Variants in ZCCHC14 observed in about 807,000 individuals in gnomAD.
ZCCHC14 encodes the protein zinc finger CCHC-type containing 14.
Under a neutral mutation model 85.0 loss-of-function variants are expected in ZCCHC14, and 16 were observed. The observed-to-expected ratio is 0.19, with a 90% CI of 0.13 to 0.29. The LOEUF (loss-of-function observed/expected upper bound fraction) is 0.29. ZCCHC14 is among the 10% of genes least tolerant of loss of function. The probability of loss-of-function intolerance (pLI) is 1.00; values close to 1 mark genes in which losing one functional copy is unlikely to be tolerated. For synonymous variants in ZCCHC14, 775 were observed against 630.7 expected (o/e 1.23, Z -3.43); for missense variants, 1,303 against 1,443.5 (o/e 0.90, Z 1.58).
chr16:87,445,331 C>T (rs1486339796), intron 2 of ZCCHC14, among the ~76,000 whole-genome samples: 1 of 152,198 alleles, frequency 6.6e-6, no homozygotes, highest in Non-Finnish European at 1.5e-5. Context: ...TCCCAAAGTG[C>T]TGCGATTACA....
At chr16:87,427,139 GA>G (rs1225027853) in intron 3 of ZCCHC14, among the ~76,000 whole-genome samples, 1 of 152,254 alleles carries the variant, frequency 6.6e-6, no homozygotes, top group African/African-American at 2.4e-5. Context: ...GATACTGGGT[GA>G]GACATGAAGA....
rs2150718167 is a variant in ZCCHC14 at position 87,410,201 on chromosome 16, C to CA, written c.*78dup. 1 of 649,114 alleles carries CA rather than the reference C, an allele frequency of 1.5e-6. No individual in the cohort carries two copies. The highest frequency in any genetic ancestry group is 2.8e-6 in the Non-Finnish European group (1 of 355,594). 40.2% of individuals were successfully genotyped at this position (649,114 alleles called of 1,614,324 possible). A position where few individuals can be genotyped will look rare whatever the true frequency, so the allele number is the denominator to read the frequency against. ...GGATTAAAAAGATTAAGCTCAACAG[C>CA]AACTAGACTTCTCAGTTTTGTATTT... On this transcript the variant is annotated 3_prime_UTR_variant, in exon 13 of 13. Transcript: ENST00000671377.
chr16:87,479,126 C>T (rs1912152957), intron 1 of ZCCHC14, among the ~76,000 whole-genome samples: 1 of 151,880 alleles, frequency 6.6e-6, no homozygotes, highest in Admixed American at 6.6e-5. Flanking sequence ...ATTAAGAAAC[C>T]TAAGGATAGG....
In ZCCHC14 at chr16:87,433,265, G is replaced by T. The variant is rs551357383; in HGVS notation, c.695-64C>A. ...CTTGAAGTATATACATGATTATTTA[G>T]CATTTGATATTCAGCAGTTTTCAAA... is the stretch of plus-strand genomic sequence containing the variant. On this transcript the variant is annotated intron_variant, in intron 2 of 12. Coordinates refer to ENST00000671377, the MANE Select transcript of ZCCHC14 (RefSeq NM_015144.3). 1.4e-4 allele frequency: 200 copies of T among 1,479,782 alleles called. No homozygotes were observed. In the African/African-American group the frequency reaches 2.6e-3, roughly 19 times the overall value. 91.7% of individuals were successfully genotyped at this position (1,479,782 alleles called of 1,614,324 possible).
intron 2 of ZCCHC14, among the ~76,000 whole-genome samples, chr16:87,455,230 G>C (rs1910896311): frequency 6.6e-6 from 1 of 152,146 alleles, no homozygotes; most frequent in South Asian, 2.1e-4. Context: ...GGAGGTTGTG[G>C]TGAACCGAGA....
intron 1 of ZCCHC14, among the ~76,000 whole-genome samples, chr16:87,480,796 C>T (rs149838123): frequency 6.6e-6 from 1 of 152,166 alleles, no homozygotes; most frequent in Non-Finnish European, 1.5e-5. Context: ...GATGCAACAA[C>T]AAAATGACTG....
intron 2 of ZCCHC14, among the ~76,000 whole-genome samples, chr16:87,456,269 G>C (rs923768859): frequency 6.6e-6 from 1 of 152,092 alleles, no homozygotes; most frequent in Non-Finnish European, 1.5e-5. Flanking sequence ...AGTGGCTCAC[G>C]CCTGTAATCC....
At chr16:87,447,775 C>T (rs1290748935) in intron 2 of ZCCHC14, among the ~76,000 whole-genome samples, 1 of 152,174 alleles carries the variant, frequency 6.6e-6, no homozygotes, top group African/African-American at 2.4e-5. Flanking sequence ...TAAGAAATGC[C>T]AAATTGTTTT....
At chr16:87,452,044 C>T (rs1040660296) in intron 2 of ZCCHC14, among the ~76,000 whole-genome samples, 1 of 152,222 alleles carries the variant, frequency 6.6e-6, no homozygotes, top group East Asian at 1.9e-4. Context: ...ACGGACAAGC[C>T]GTAAGCAGGG....
chr16:87,417,579 G>C lies in ZCCHC14; in HGVS notation c.1264C>G (p.Leu422Val), dbSNP rs1329772884. ...RTQMDTSPAILMPSSLQTPQT... is the reference protein window; with the variant it reads ...RTQMDTSPAIVMPSSLQTPQT... ...GGGGTCTGCAGACTGGAAGGCATGA[G>C]GATGGCAGGTGATGTGTCCATCTGG... The change falls in exon 8 of 13, where the codon CTC becomes GTC. Residue 422 changes from leucine (L) to valine (V), a missense_variant. Leu to Val is a conservative substitution (Grantham distance 32). Coordinates refer to ENST00000671377, the MANE Select transcript of ZCCHC14 (RefSeq NM_015144.3). 2.5e-6 allele frequency: 4 copies of C among 1,614,278 alleles called. No individual in the cohort carries two copies. Among genetic ancestry groups the C allele is most frequent in the Non-Finnish European group, 3.4e-6 (4 of 1,180,050 alleles).
intron 2 of ZCCHC14, among the ~76,000 whole-genome samples, chr16:87,438,982 C>T (rs559282051): frequency 2.0e-5 from 3 of 152,240 alleles, no homozygotes; most frequent in Non-Finnish European, 4.4e-5. Context: ...ACTCAGAATC[C>T]TAGGAGCTAA....
At chr16:87,416,196 G>C (rs1014068955) in intron 8 of ZCCHC14, among the ~76,000 whole-genome samples, 1 of 152,018 alleles carries the variant, frequency 6.6e-6, no homozygotes, top group Admixed American at 6.6e-5. Flanking sequence ...AAAGTGCTGG[G>C]ATTACAGGCG....
Position 87,433,115 on chromosome 16 carries a change from C to G in ZCCHC14, c.768+13G>C. On this transcript the variant is annotated intron_variant, in intron 3 of 12. Transcript: ENST00000671377. ...CCTTCCAGGAGAGAGGGGAAAAAAA[C>G]TTAGCATCTTACCTCAAAGGAACAT... is the stretch of plus-strand genomic sequence containing the variant. 1 of 1,613,850 alleles carries G rather than the reference C, an allele frequency of 6.2e-7. No homozygotes were observed. The highest frequency in any genetic ancestry group is 1.1e-5 in the South Asian group (1 of 91,058).
chr16:87,460,432 G>C (rs1003417530), intron 1 of ZCCHC14, among the ~76,000 whole-genome samples: 4 of 152,208 alleles, frequency 2.6e-5, no homozygotes, highest in African/African-American at 9.7e-5. Context: ...GCTCACGCCT[G>C]TTATCCCAGC....
chr16:87,433,369 G>A (rs552196575), intron 2 of ZCCHC14, among the ~76,000 whole-genome samples, 168 bp from the exon 3 acceptor site: 1 of 152,206 alleles, frequency 6.6e-6, no homozygotes, highest in Non-Finnish European at 1.5e-5. Flanking sequence ...GAGGAAGGCG[G>A]GCGGCAGCAC....
intron 3 of ZCCHC14, among the ~76,000 whole-genome samples, chr16:87,424,670 C>G (rs567353059): frequency 6.6e-6 from 1 of 152,252 alleles, no homozygotes; most frequent in East Asian, 1.9e-4. Context: ...AGGTGCTAAA[C>G]AAAGCTGACT....
At chr16:87,469,616 AAAAATGTTAGCATTC>A (rs1327207402) in intron 1 of ZCCHC14, among the ~76,000 whole-genome samples, 1 of 152,238 alleles carries the variant, frequency 6.6e-6, no homozygotes, top group Non-Finnish European at 1.5e-5. Context: ...TGTGAACTGG[AAAAATGTTAGCATTC>A]AAAATGTTAG....
At chr16:87,467,744 C>T (rs1322531004) in intron 1 of ZCCHC14, 3 of 568,942 alleles carry the variant, frequency 5.3e-6, no homozygotes, top group East Asian at 3.2e-5. Context: ...CTCCGCCTCC[C>T]GGGTTCACAC....
intron 12 of ZCCHC14, 114 bp downstream of exon 12, chr16:87,411,402 A>G (rs779920809): frequency 2.6e-6 from 4 of 1,524,932 alleles, no homozygotes; most frequent in Non-Finnish European, 3.5e-6. Flanking sequence ...TTCAAAGAGC[A>G]TTCGAAAAAT....
Sources: gnomAD v4.1 joint callset for allele counts (sites outside exome capture counted in the v4.1 genomes callset) on GRCh38, gnomAD v4.1.1 for gene constraint, MANE v1.5 for transcripts, NCBI Gene and HGNC (gene_info 2026-07-23, HGNC 2026-07-21) for gene names.